The following METAP1D variants were observed in gnomAD, a reference collection of about 807,000 sequenced individuals.
The protein encoded by METAP1D is methionine aminopeptidase 1D, mitochondrial.
METAP1D carries 31 observed loss-of-function variants against 40.5 expected under a neutral mutation model. The ratio of observed to expected loss-of-function variants is 0.77; its 90% confidence interval spans 0.58 to 1.03. The LOEUF is 1.03. METAP1D is among the 50% of genes least tolerant of loss of function. The pLI is 0.00. For missense variants in METAP1D, 411 were observed against 420.7 expected (o/e 0.98, Z 0.20); for synonymous variants, 151 against 146.4 (o/e 1.03, Z -0.22).
chr2:172,068,520 CT>C (rs113011377), intron 5 of METAP1D, among the ~76,000 whole-genome samples: 3,334 of 148,002 alleles, frequency 0.023, 44 homozygotes, highest in Non-Finnish European at 0.032. Flanking sequence ...TTTAAGTAGT[CT>C]TTTTTTTTTT....
chr2:172,061,875 T>C (rs1201625582), intron 2 of METAP1D: 4 of 327,470 alleles, frequency 1.2e-5, no homozygotes, highest in Non-Finnish European at 2.2e-5. Context: ...TTGCTTAGAG[T>C]ATTTAGAATT....
chr2:172,039,940 G>C lies in METAP1D; in HGVS notation c.41-21558G>C, dbSNP rs1013679395. Reference sequence around the variant, plus strand: ...TCTGCCCACCTTGGCCTCTCAGAGTGCTGGGATTACAGGCGTGAGCCACTG... The same window carrying C: ...TCTGCCCACCTTGGCCTCTCAGAGTCCTGGGATTACAGGCGTGAGCCACTG... On this transcript the variant is annotated intron_variant, in intron 1 of 9. Coordinates refer to ENST00000315796, the MANE Select transcript of METAP1D (RefSeq NM_199227.3). Among the ~76,000 whole-genome samples the C allele has an allele frequency of 3.3e-5, 5 of 151,628 alleles. No homozygotes were observed. The South Asian group carries it at 1.0e-3, about 32-fold the overall frequency.
At chr2:172,013,882 G>A (rs966262425) in intron 1 of METAP1D, among the ~76,000 whole-genome samples, 7 of 144,524 alleles carry the variant, frequency 4.8e-5, no homozygotes, top group Non-Finnish European at 1.1e-4. Flanking sequence ...GTGCAGTGGC[G>A]TGATCTTGGC....
Position 172,080,375 on chromosome 2 carries a change from A to G in METAP1D, c.977A>G (p.Gln326Arg), listed in dbSNP as rs1436582973. The G allele has an allele frequency of 6.2e-7, 1 of 1,613,914 alleles. No individual in the cohort carries two copies. The highest frequency in any genetic ancestry group is 8.5e-7 in the Non-Finnish European group (1 of 1,179,904). ...HTVLITSRGA[Q>R]ILTKLPHEA ...GTTCTGATCACGTCGAGGGGCGCGC[A>G]GATCCTGACCAAACTACCCCATGAG... Residue 326 changes from glutamine (Q) to arginine (R), a missense_variant, in exon 10 of 10, where the codon CAG becomes CGG. Physicochemically the swap from Gln to Arg is conservative, Grantham distance 43. Coordinates refer to ENST00000315796, the MANE Select transcript of METAP1D (RefSeq NM_199227.3).
At chr2:172,007,687 A>G (rs1688619348) in intron 1 of METAP1D, among the ~76,000 whole-genome samples, 1 of 152,030 alleles carries the variant, frequency 6.6e-6, no homozygotes, top group African/African-American at 2.4e-5. Context: ...AATGGATGGA[A>G]AAGGATATTA....
At chr2:172,045,811 GTGTGTGTGTATATATATATATATATA>G (rs1689740019) in intron 1 of METAP1D, among the ~76,000 whole-genome samples, 1 of 51,722 alleles carries the variant, frequency 1.9e-5, no homozygotes, top group Non-Finnish European at 3.7e-5. Context: ...GTGTGTGTGT[GTGTGTGTGTATATATATATATATATA>G]TATATATATA....
At chr2:172,077,979 A>G in intron 7 of METAP1D, 85 bp downstream of exon 7, 1 of 666,296 alleles carries the variant, frequency 1.5e-6, no homozygotes, top group Non-Finnish European at 2.7e-6. Flanking sequence ...TCTGACTTTG[A>G]ATCTGCATTA....
intron 1 of METAP1D, among the ~76,000 whole-genome samples, chr2:172,026,979 A>C (rs1689132101): frequency 6.6e-6 from 1 of 152,184 alleles, no homozygotes; most frequent in Non-Finnish European, 1.5e-5. Context: ...TCAATTCCCC[A>C]TACCCCAGTA....
intron 1 of METAP1D, among the ~76,000 whole-genome samples, chr2:172,014,916 T>C (rs2105385168): frequency 6.6e-6 from 1 of 152,278 alleles, no homozygotes; most frequent in Non-Finnish European, 1.5e-5. Context: ...CCTCCCTAAG[T>C]GCTGGGATTA....
chr2:172,075,733 A>C (rs1690524600), intron 6 of METAP1D, among the ~76,000 whole-genome samples: 1 of 152,208 alleles, frequency 6.6e-6, no homozygotes, highest in Non-Finnish European at 1.5e-5. Flanking sequence ...AAGTGCTAAA[A>C]ACCACCTACC....
In METAP1D at chr2:172,079,198, T is replaced by G; in HGVS notation, c.803-17T>G. ...CCCCATTTCCTATTCTCACCCCCCATGTTTTTTGTTTTGCAGCAAACGACA... is the reference window on the plus strand; with the variant it reads ...CCCCATTTCCTATTCTCACCCCCCAGGTTTTTTGTTTTGCAGCAAACGACA... On this transcript the variant is annotated splice_polypyrimidine_tract_variant and intron_variant, in intron 7 of 9. Transcript: ENST00000315796. 6.2e-7 allele frequency: 1 copy of G among 1,613,458 alleles called. No individual in the cohort carries two copies. The highest frequency in any genetic ancestry group is 8.5e-7 in the Non-Finnish European group (1 of 1,179,680).
intron 1 of METAP1D, among the ~76,000 whole-genome samples, chr2:172,027,267 C>T (rs527766395): frequency 2.0e-5 from 3 of 152,292 alleles, no homozygotes; most frequent in African/African-American, 7.2e-5. Flanking sequence ...GTTACATGCC[C>T]TGCAATGACA....
At chr2:172,036,779 G>A (rs1320814756) in intron 1 of METAP1D, among the ~76,000 whole-genome samples, 5 of 152,152 alleles carry the variant, frequency 3.3e-5, no homozygotes, top group Non-Finnish European at 5.9e-5. Context: ...TAATTGACAG[G>A]CAGTTTTCCA....
chr2:172,060,592 A>G (rs751161892), intron 1 of METAP1D, among the ~76,000 whole-genome samples: 3 of 152,186 alleles, frequency 2.0e-5, no homozygotes, highest in African/African-American at 2.4e-5. Context: ...TTTGTTAAGC[A>G]TTCACTTTTT....
chr2:172,032,416 A>G (rs528335355), intron 1 of METAP1D, among the ~76,000 whole-genome samples: 1 of 152,300 alleles, frequency 6.6e-6, no homozygotes, highest in African/African-American at 2.4e-5. Flanking sequence ...CATCTTCTAG[A>G]TAGATACTTT....
At chr2:172,046,351 C>T (rs1465524855) in intron 1 of METAP1D, among the ~76,000 whole-genome samples, 1 of 152,036 alleles carries the variant, frequency 6.6e-6, no homozygotes, top group Non-Finnish European at 1.5e-5. Context: ...CAGACAACAT[C>T]CATTGCTCAT....
intron 1 of METAP1D, among the ~76,000 whole-genome samples, chr2:172,058,557 T>G (rs962259971): frequency 2.0e-5 from 3 of 152,112 alleles, no homozygotes; most frequent in African/African-American, 7.2e-5. Context: ...CTTTTTTTTT[T>G]TTAGAGAGAC....
intron 9 of METAP1D, 59 bp from the exon 10 acceptor site, chr2:172,080,269 C>T: frequency 1.2e-6 from 2 of 1,613,734 alleles, no homozygotes; most frequent in South Asian, 2.2e-5. Context: ...TCCGACGGCG[C>T]GCTTGTGGCC....
chr2:172,039,752 C>A (rs544391787), intron 1 of METAP1D, among the ~76,000 whole-genome samples: 1 of 150,360 alleles, frequency 6.7e-6, no homozygotes, highest in African/African-American at 2.5e-5. Context: ...ACTGCAACCT[C>A]CGCCTCCCGG....
Sources: allele counts gnomAD v4.1 joint callset (sites outside exome capture counted in the v4.1 genomes callset), GRCh38; gene constraint gnomAD v4.1.1; transcripts MANE v1.5; gene names NCBI Gene and HGNC (gene_info 2026-07-23, HGNC 2026-07-21).